Variants in AGPAT4 observed in about 807,000 individuals in gnomAD.
AGPAT4 encodes 1-acylglycerol-3-phosphate O-acyltransferase 4.
AGPAT4 carries 15 observed loss-of-function variants against 48.0 expected under a neutral mutation model. The ratio of observed to expected loss-of-function variants is 0.31; its 90% CI spans 0.21 to 0.48. The LOEUF (loss-of-function observed/expected upper bound fraction) is 0.48. AGPAT4 is among the 20% of genes least tolerant of loss of function. The pLI is 0.99. For missense variants in AGPAT4, 314 were observed against 482.5 expected, an observed-to-expected ratio of 0.65 and a Z score of 3.27; for synonymous variants, 178 against 198.7, an observed-to-expected ratio of 0.90 and a Z score of 0.88.
In AGPAT4 at chr6:161,272,721, C is replaced by CAT. The variant is rs746466510; in HGVS notation, c.-90+1216_-90+1217insAT. Among the ~76,000 whole-genome samples, 132 of 151,808 alleles carry CAT rather than the reference C, an allele frequency of 8.7e-4. 1 individual carries two copies. Among genetic ancestry groups the CAT allele is most frequent in the Non-Finnish European group, 1.1e-3 (76 of 67,962 alleles). ...ATTTCCCTAAACACACACACACACA[C>CAT]ACACACACACAAACACACACATTCT... On this transcript the variant is annotated intron_variant, in intron 1 of 8. Coordinates refer to ENST00000320285, the MANE Select transcript of AGPAT4 (RefSeq NM_020133.3). This position sits in a 1 kb window ranked among gnomAD's most constrained non-coding sequence, Gnocchi z 4.2.
In AGPAT4 at chr6:161,204,946, G is replaced by C. The variant is rs34620502; in HGVS notation, c.178+27090C>G. Among the ~76,000 whole-genome samples, 16,782 of 152,156 alleles carry C rather than the reference G, an allele frequency of 0.11. 1,162 individuals carry two copies. The highest frequency in any genetic ancestry group is 0.2 in the African/African-American group (8,206 of 41,480). ...TCAGCAGTTTTTTACAATAAACCGG[G>C]TATGAACAACGACATGACGCTGTTG... On this transcript the variant is annotated intron_variant, in intron 2 of 8. Transcript: ENST00000320285. This position sits in a 1 kb window ranked among gnomAD's most constrained non-coding sequence, Gnocchi z 4.4.
rs1413983318 is a variant in AGPAT4 at position 161,166,351 on chromosome 6, T to C, written c.245A>G (p.Tyr82Cys). ...GGCATTTTCCTTCCCATACTTGAGG[T>C]AGGCGCGCGGGTCCGTGAAGATGGT... ...ECTIFTDPRA[Y>C]LKYGKENAIV... Residue 82 changes from tyrosine to cysteine, a missense_variant, in exon 3 of 9, where the codon TAC becomes TGC. Transcript: ENST00000320285. The surrounding 1 kb of genome is among the most constrained non-coding windows in gnomAD (Gnocchi z 6.7). 5 of 1,614,132 alleles carry C rather than the reference T, an allele frequency of 3.1e-6. No individual in the cohort carries two copies. The highest frequency in any genetic ancestry group is 4.2e-6 in the Non-Finnish European group (5 of 1,180,022).
intron 2 of AGPAT4, among the ~76,000 whole-genome samples, chr6:161,227,566 T>C (rs1782015890): frequency 6.6e-6 from 1 of 152,210 alleles, no homozygotes; most frequent in South Asian, 2.1e-4. Context: ...CCAACCCTCT[T>C]GCACGCACAG....
Position 161,208,427 on chromosome 6 carries a change from T to C in AGPAT4, c.178+23609A>G, listed in dbSNP as rs1045619069. On this transcript the variant is annotated intron_variant, in intron 2 of 8. Transcript: ENST00000320285. The surrounding 1 kb of genome is among the most constrained non-coding windows in gnomAD (Gnocchi z 4.6). ...TCAATTAAACTCATGTACACACTTA[T>C]GTATACAAATGCACGCACACACACC... Among the ~76,000 whole-genome samples the C allele has an allele frequency of 6.6e-6, 1 of 152,104 alleles. No homozygotes were observed. Among genetic ancestry groups the C allele is most frequent in the Non-Finnish European group, 1.5e-5 (1 of 68,038 alleles).
chr6:161,239,718 T>C (rs957369033), intron 1 of AGPAT4, among the ~76,000 whole-genome samples: 2 of 152,230 alleles, frequency 1.3e-5, no homozygotes, highest in Admixed American at 6.5e-5. Context: ...AATTATTTTA[T>C]ACTACTTTTT....
At chr6:161,157,631 TCTTTATACTGG>T (rs1444724413) in intron 3 of AGPAT4, among the ~76,000 whole-genome samples, 1 of 152,220 alleles carries the variant, frequency 6.6e-6, no homozygotes, top group Non-Finnish European at 1.5e-5. Flanking sequence ...GACATAACTT[TCTTTATACTGG>T]CTTAATCCAT....
rs1194941965 is a variant in AGPAT4, at chr6:161,200,518, T to C, written c.178+31518A>G. 2.6e-5 allele frequency among the ~76,000 whole-genome samples: 4 copies of C among 152,212 alleles called. No homozygotes were observed. On this transcript the variant is annotated intron_variant, in intron 2 of 8. Transcript: ENST00000320285. The surrounding 1 kb of genome is among the most constrained non-coding windows in gnomAD (Gnocchi z 5.5). ...ACCCAGTATCTAATCATAGTTGGTC[T>C]GGACAAGGGGAAAAACAGTGTGTGT...
chr6:161,185,313 C>G (rs1780738304), intron 2 of AGPAT4, among the ~76,000 whole-genome samples: 1 of 115,442 alleles, frequency 8.7e-6, no homozygotes. Flanking sequence ...TTTCCAAAGA[C>G]AGGGTCTCAC....
At position 161,241,463 on chromosome 6, in the gene AGPAT4, C is replaced by A. The variant is rs957704193; in HGVS notation, c.-89-9161G>T. On this transcript the variant is annotated intron_variant, in intron 1 of 8. Transcript: ENST00000320285. ...CTCTAATAACTAACCTTTAGTCCCT[C>A]TTCAAAGCCCCACTCTTGCATGATA... Among the ~76,000 whole-genome samples, 8 of 152,262 alleles carry A rather than the reference C, an allele frequency of 5.3e-5. No homozygotes were observed. The East Asian group carries it at 1.5e-3, about 29-fold the overall frequency.
In AGPAT4 at chr6:161,161,525, T is replaced by C. The variant is rs1186098278; in HGVS notation, c.348+4723A>G. On this transcript the variant is annotated intron_variant, in intron 3 of 8. Coordinates refer to ENST00000320285, the MANE Select transcript of AGPAT4 (RefSeq NM_020133.3). The surrounding 1 kb of genome is among the most constrained non-coding windows in gnomAD (Gnocchi z 4.6). ...GAATTCACATGGTGGCGGGCAGCAC[T>C]GGGTATCTGCCATAGGCTCAGGTGA... is the stretch of plus-strand genomic sequence containing the variant. 1 of 456,390 alleles carries C rather than the reference T, an allele frequency of 2.2e-6. No individual in the cohort carries two copies. Among genetic ancestry groups the C allele is most frequent in the Non-Finnish European group, 4.4e-6 (1 of 226,818 alleles). 28.3% of individuals were successfully genotyped at this position (456,390 alleles called of 1,614,324 possible).
At chr6:161,181,564 G>A (rs1350812518) in intron 2 of AGPAT4, among the ~76,000 whole-genome samples, 1 of 152,106 alleles carries the variant, frequency 6.6e-6, no homozygotes, top group African/African-American at 2.4e-5. Context: ...CTGTGGGCAT[G>A]TGCTGGTATT....
chr6:161,204,425 T>A lies in AGPAT4; in HGVS notation c.178+27611A>T, dbSNP rs973263289. Among the ~76,000 whole-genome samples the A allele has an allele frequency of 6.6e-6, 1 of 152,218 alleles. No individual in the cohort carries two copies. Among genetic ancestry groups the A allele is most frequent in the African/African-American group, 2.4e-5 (1 of 41,458 alleles). Reference sequence around the variant, plus strand: ...CGATGCATGTCTCCAATTTAATACTTACATAACCAATTTTATCACCAGTTC... The same window carrying A: ...CGATGCATGTCTCCAATTTAATACTAACATAACCAATTTTATCACCAGTTC... On this transcript the variant is annotated intron_variant, in intron 2 of 8. Transcript: ENST00000320285. This position sits in a 1 kb window ranked among gnomAD's most constrained non-coding sequence, Gnocchi z 4.4.
In AGPAT4 at chr6:161,148,467, GT is replaced by G. The variant is rs1215145773; in HGVS notation, c.767+719del. ...TGTGTTGTAATGTGGCTTCTGTAAG[GT>G]CTTGAATCAGAAGGTTATACGCCCC... On this transcript the variant is annotated intron_variant, in intron 6 of 8. Coordinates refer to ENST00000320285, the MANE Select transcript of AGPAT4 (RefSeq NM_020133.3). The surrounding 1 kb of genome is among the most constrained non-coding windows in gnomAD (Gnocchi z 5.5). 6.6e-6 allele frequency among the ~76,000 whole-genome samples: 1 copy of G among 152,152 alleles called. No homozygotes were observed. The highest frequency in any genetic ancestry group is 1.5e-5 in the Non-Finnish European group (1 of 68,018).
At chr6:161,228,594 T>C (rs1419198969) in intron 2 of AGPAT4, among the ~76,000 whole-genome samples, 2 of 120,026 alleles carry the variant, frequency 1.7e-5, no homozygotes, top group Middle Eastern at 3.9e-3. Context: ...TTTTTTTTTT[T>C]AACCCTGACA....
At chr6:161,224,534 C>T (rs1298146707) in intron 2 of AGPAT4, among the ~76,000 whole-genome samples, 1 of 148,654 alleles carries the variant, frequency 6.7e-6, no homozygotes, top group Non-Finnish European at 1.5e-5. Flanking sequence ...CCCAGCTACT[C>T]GGGAGGCTGA....
intron 1 of AGPAT4, among the ~76,000 whole-genome samples, chr6:161,253,020 C>T (rs1024804479): frequency 1.5e-4 from 23 of 151,562 alleles, no homozygotes; most frequent in African/African-American, 5.3e-4. Flanking sequence ...TCGAGACCAT[C>T]CTGGCCAATA....
chr6:161,132,310 A>C lies in AGPAT4; in HGVS notation c.*4230T>G, dbSNP rs898628336. ...TTGTCCACACAGCCACCATATCCTT[A>C]TATAGATGGGGAAAAATCCAGAAAA... On this transcript the variant is annotated 3_prime_UTR_variant, in exon 9 of 9. Coordinates refer to ENST00000320285, the MANE Select transcript of AGPAT4 (RefSeq NM_020133.3). 6.6e-6 allele frequency: 1 copy of C among 152,250 alleles called. No individual in the cohort carries two copies. Among genetic ancestry groups the C allele is most frequent in the African/African-American group, 2.4e-5 (1 of 41,454 alleles). 9.4% of individuals were successfully genotyped at this position (152,250 alleles called of 1,614,324 possible). A position where few individuals can be genotyped will look rare whatever the true frequency, so the allele number is the denominator to read the frequency against.
rs1393460612 is a variant in AGPAT4, at chr6:161,267,513, A to G, written c.-90+6425T>C. On this transcript the variant is annotated intron_variant, in intron 1 of 8. Coordinates refer to ENST00000320285, the MANE Select transcript of AGPAT4 (RefSeq NM_020133.3). The surrounding 1 kb of genome is among the most constrained non-coding windows in gnomAD (Gnocchi z 5.2). Reference sequence around the variant, plus strand: ...CAGATTGCTTGAAGTCAGGAGTTCGAGACCAGCCTGGCCAACATGGGGAAA... The same window carrying G: ...CAGATTGCTTGAAGTCAGGAGTTCGGGACCAGCCTGGCCAACATGGGGAAA... Among the ~76,000 whole-genome samples the G allele has an allele frequency of 6.6e-6, 1 of 152,120 alleles. No individual in the cohort carries two copies.
rs959624570 is a variant in AGPAT4, at chr6:161,254,628, C to T, written c.-90+19310G>A. 6.6e-6 allele frequency among the ~76,000 whole-genome samples: 1 copy of T among 152,164 alleles called. No individual in the cohort carries two copies. The highest frequency in any genetic ancestry group is 1.5e-5 in the Non-Finnish European group (1 of 68,032). ...AAATCGAGGAGAAAATGCCTTCTTA[C>T]AAACCCTCCAGCTTCCATTCCACTC... On this transcript the variant is annotated intron_variant, in intron 1 of 8. Coordinates refer to ENST00000320285, the MANE Select transcript of AGPAT4 (RefSeq NM_020133.3). This position sits in a 1 kb window ranked among gnomAD's most constrained non-coding sequence, Gnocchi z 5.9.
Sources: allele counts gnomAD v4.1 joint callset (sites outside exome capture counted in the v4.1 genomes callset), GRCh38; gene constraint gnomAD v4.1.1; non-coding constraint Gnocchi (gnomAD v3.1); transcripts MANE v1.5; gene names NCBI Gene and HGNC (gene_info 2026-07-23, HGNC 2026-07-21).